The following OR9Q1 variants were observed in gnomAD, a reference collection of about 807,000 sequenced individuals.
The protein encoded by OR9Q1 is olfactory receptor family 9 subfamily Q member 1.
For missense variants in OR9Q1, 374 were observed against 378.8 expected, an observed-to-expected ratio of 0.99 and a Z score of 0.11; for synonymous variants, 153 against 148.6, an observed-to-expected ratio of 1.03 and a Z score of -0.22.
chr11:58,027,670 G>C (rs1375959905), intron 1 of OR9Q1, among the ~76,000 whole-genome samples: 2 of 152,020 alleles, frequency 1.3e-5, no homozygotes, highest in Non-Finnish European at 2.9e-5. Flanking sequence ...GAGATAGTGG[G>C]GAAACTGCTC....
At chr11:58,175,064 C>T (rs1040751247) in intron 2 of OR9Q1, among the ~76,000 whole-genome samples, 26 of 127,522 alleles carry the variant, frequency 2.0e-4, no homozygotes, top group South Asian at 2.5e-4. Flanking sequence ...TGAAATCACG[C>T]GACTGCACTC....
rs1854655705 is a variant in OR9Q1, at chr11:58,180,560, A to G, written c.*183A>G. 3 of 448,646 alleles carry G rather than the reference A, an allele frequency of 6.7e-6. No homozygotes were observed. Among genetic ancestry groups the G allele is most frequent in the East Asian group, 6.5e-5 (2 of 30,602 alleles). 27.8% of individuals were successfully genotyped at this position (448,646 alleles called of 1,614,324 possible). On this transcript the variant is annotated 3_prime_UTR_variant, in exon 3 of 3. Transcript: ENST00000335397. Reference sequence around the variant, plus strand: ...GACAAGGAAAAGTCAACCTGAAAAGAGATTGGAGTGGGAGTTTTGATTCCC... The same window carrying G: ...GACAAGGAAAAGTCAACCTGAAAAGGGATTGGAGTGGGAGTTTTGATTCCC...
At chr11:58,170,904 C>A (rs1418762987) in intron 2 of OR9Q1, among the ~76,000 whole-genome samples, 1 of 152,072 alleles carries the variant, frequency 6.6e-6, no homozygotes, top group Non-Finnish European at 1.5e-5. Flanking sequence ...CATTAAAAAT[C>A]TATTTAGAAG....
chr11:58,178,046 C>A (rs1854621937), intron 2 of OR9Q1, among the ~76,000 whole-genome samples: 3 of 151,974 alleles, frequency 2.0e-5, no homozygotes, highest in Non-Finnish European at 4.4e-5. Flanking sequence ...AGAGAAGCTG[C>A]CAATAATTCA....
At chr11:58,024,931 C>A (rs1407614860) in intron 1 of OR9Q1, among the ~76,000 whole-genome samples, 1 of 152,076 alleles carries the variant, frequency 6.6e-6, no homozygotes, top group Non-Finnish European at 1.5e-5. Flanking sequence ...GAAAATGGCA[C>A]GGTGTGGAGG....
At chr11:58,096,173 C>A (rs1853729469) in intron 2 of OR9Q1, among the ~76,000 whole-genome samples, 1 of 140,504 alleles carries the variant, frequency 7.1e-6, no homozygotes, top group Admixed American at 7.2e-5. Context: ...TTCAGGAGAA[C>A]CAACTACCAA....
chr11:58,028,956 G>T (rs1021415808), intron 1 of OR9Q1, among the ~76,000 whole-genome samples: 1 of 152,216 alleles, frequency 6.6e-6, no homozygotes, highest in Non-Finnish European at 1.5e-5. Context: ...TCAAATTCCA[G>T]TTCAGGAATC....
chr11:58,053,441 C>A (rs12279334), intron 1 of OR9Q1, among the ~76,000 whole-genome samples: 19,493 of 85,192 alleles, frequency 0.23, 2,328 homozygotes, highest in East Asian at 0.54. Flanking sequence ...CACTCTGGGG[C>A]CTGTTGTGGG....
At chr11:58,075,887 A>C (rs1036485725) in intron 2 of OR9Q1, among the ~76,000 whole-genome samples, 1 of 152,186 alleles carries the variant, frequency 6.6e-6, no homozygotes, top group Non-Finnish European at 1.5e-5. Flanking sequence ...AGGAATCATC[A>C]CTTACTATGT....
chr11:58,101,750 T>C (rs191085870), intron 2 of OR9Q1, among the ~76,000 whole-genome samples: 1 of 151,948 alleles, frequency 6.6e-6, no homozygotes, highest in African/African-American at 2.4e-5. Context: ...TCTTCCAAAA[T>C]TTTTTTTTCT....
chr11:58,086,681 A>G (rs573087558), intron 2 of OR9Q1, among the ~76,000 whole-genome samples: 1 of 151,926 alleles, frequency 6.6e-6, no homozygotes, highest in Non-Finnish European at 1.5e-5. Flanking sequence ...AGCCCTAAAA[A>G]AGAAAAATAA....
intron 2 of OR9Q1, among the ~76,000 whole-genome samples, chr11:58,113,646 TA>T (rs1233581397): frequency 6.6e-6 from 1 of 152,198 alleles, no homozygotes; most frequent in Non-Finnish European, 1.5e-5. Flanking sequence ...TGGTGTTGTA[TA>T]GGGGGGTAAT....
rs1168381992 is a variant in OR9Q1 at position 58,159,714 on chromosome 11, T to G, written c.-14-19717T>G. ...ATTGCCACAGTCTAAAACAATTTGATAGTCATCTGGTCTAGAATGATAGCA... is the reference window on the plus strand; with the variant it reads ...ATTGCCACAGTCTAAAACAATTTGAGAGTCATCTGGTCTAGAATGATAGCA... On this transcript the variant is annotated intron_variant, in intron 2 of 2. Transcript: ENST00000335397. Among the ~76,000 whole-genome samples, 5 of 152,358 alleles carry G rather than the reference T, an allele frequency of 3.3e-5. No homozygotes were observed. The East Asian group carries it at 9.6e-4, about 29-fold the overall frequency.
chr11:58,083,684 C>A (rs1202863316), intron 2 of OR9Q1, among the ~76,000 whole-genome samples: 1 of 151,356 alleles, frequency 6.6e-6, no homozygotes, highest in Non-Finnish European at 1.5e-5. Context: ...TGTGGCTAGC[C>A]AGTTATCCCA....
At chr11:58,031,963 A>G (rs1402366693) in intron 1 of OR9Q1, 12 of 1,000,598 alleles carry the variant, frequency 1.2e-5, no homozygotes, top group African/African-American at 1.6e-5. Flanking sequence ...AGGTTAGTCA[A>G]TAACATTTAA....
chr11:58,127,727 T>C (rs1464789070), intron 2 of OR9Q1, among the ~76,000 whole-genome samples: 1 of 152,200 alleles, frequency 6.6e-6, no homozygotes, highest in African/African-American at 2.4e-5. Flanking sequence ...ATGCTCTTTT[T>C]TCCTGATAGA....
In OR9Q1 at chr11:58,095,729, G is replaced by A. The variant is rs555781752; in HGVS notation, c.-15+39782G>A. Reference sequence around the variant, plus strand: ...ATCTCCACCTTGTCCCTCCCATGGCGAGTGGGGATTATGGGAACTACAATT... The same window carrying A: ...ATCTCCACCTTGTCCCTCCCATGGCAAGTGGGGATTATGGGAACTACAATT... On this transcript the variant is annotated intron_variant, in intron 2 of 2. Coordinates refer to ENST00000335397, the MANE Select transcript of OR9Q1 (RefSeq NM_001005212.4). Among the ~76,000 whole-genome samples the A allele has an allele frequency of 6.6e-5, 10 of 152,250 alleles. No individual in the cohort carries two copies. In the East Asian group the frequency reaches 7.7e-4, roughly 12 times the overall value.
intron 2 of OR9Q1, chr11:58,117,251 A>G (rs1325861055): frequency 6.6e-6 from 1 of 151,492 alleles, no homozygotes; most frequent in African/African-American, 2.5e-5. Flanking sequence ...GAATTGTTAT[A>G]CTTGTTTTAG....
intron 1 of OR9Q1, among the ~76,000 whole-genome samples, chr11:58,053,323 T>C (rs1158374278): frequency 6.6e-6 from 1 of 151,204 alleles, no homozygotes; most frequent in African/African-American, 2.4e-5. Flanking sequence ...TTGGAAATCA[T>C]CATTCTCAGT....
Sources: gnomAD v4.1 joint callset for allele counts (sites outside exome capture counted in the v4.1 genomes callset) on GRCh38, gnomAD v4.1.1 for gene constraint, MANE v1.5 for transcripts, NCBI Gene and HGNC (gene_info 2026-07-23, HGNC 2026-07-21) for gene names.